Variants in ASCC1 observed in about 807,000 individuals in gnomAD.
ASCC1 encodes activating signal cointegrator 1 complex subunit 1, also known as ASC-1 complex subunit P50.
ASCC1 carries 35 observed loss-of-function variants against 46.6 expected under a neutral mutation model. That is an observed-to-expected ratio of 0.75 (90% CI 0.57 to 0.99). ASCC1 has a LOEUF of 0.99. Ranked by LOEUF, ASCC1 falls within the 50% of genes least tolerant of loss-of-function variation. The pLI is 0.00. For missense variants in ASCC1, 376 were observed against 428.7 expected (o/e 0.88, Z 1.09); for synonymous variants, 143 against 146.6 (o/e 0.98, Z 0.18).
At chr10:72,188,015 G>A (rs1320765615) in intron 5 of ASCC1, among the ~76,000 whole-genome samples, 1 of 151,640 alleles carries the variant, frequency 6.6e-6, no homozygotes, top group South Asian at 2.1e-4. Flanking sequence ...TCTCTTGTAT[G>A]TGCCCAATCT....
At chr10:72,112,906 A>C (rs1383034811) in intron 9 of ASCC1, among the ~76,000 whole-genome samples, 13 of 150,824 alleles carry the variant, frequency 8.6e-5, no homozygotes, top group African/African-American at 3.2e-4. Flanking sequence ...AAAAAACCCC[A>C]ACATACAATG....
intron 3 of ASCC1, chr10:72,204,513 ATCCCAAGAGAGAAG>A: frequency 6.5e-7 from 1 of 1,550,340 alleles, no homozygotes. Context: ...AGACTACCGA[ATCCCAAGAGAGAAG>A]TTTCAGAGTC....
intron 5 of ASCC1, among the ~76,000 whole-genome samples, chr10:72,192,603 C>T (rs779719430): frequency 1.3e-5 from 2 of 152,184 alleles, no homozygotes; most frequent in African/African-American, 4.8e-5. Context: ...CAGTGATTCT[C>T]GTGCCTCAGC....
At chr10:72,112,554 A>T (rs1843029041) in intron 9 of ASCC1, among the ~76,000 whole-genome samples, 1 of 152,128 alleles carries the variant, frequency 6.6e-6, no homozygotes, top group Admixed American at 6.5e-5. Flanking sequence ...AAAATGGTTA[A>T]AATAGCCAAT....
chr10:72,134,614 C>T (rs1215466467), intron 7 of ASCC1, among the ~76,000 whole-genome samples: 1 of 152,152 alleles, frequency 6.6e-6, no homozygotes, highest in Non-Finnish European at 1.5e-5. Flanking sequence ...GTATTATGTT[C>T]TTTGATATTG....
chr10:72,162,796 A>G (rs1429042128), intron 5 of ASCC1, among the ~76,000 whole-genome samples: 1 of 152,024 alleles, frequency 6.6e-6, no homozygotes, highest in Non-Finnish European at 1.5e-5. Flanking sequence ...TACAAAAATT[A>G]GCTGGGTGTG....
intron 5 of ASCC1, among the ~76,000 whole-genome samples, chr10:72,195,739 T>C (rs148041337): frequency 0.14 from 20,747 of 151,072 alleles, 4,052 homozygotes; most frequent in African/African-American, 0.43. Flanking sequence ...GAGGCTGAGA[T>C]AGGAGAATTG....
chr10:72,193,481 A>C (rs1014809158), intron 5 of ASCC1, among the ~76,000 whole-genome samples: 3 of 149,640 alleles, frequency 2.0e-5, no homozygotes, highest in Non-Finnish European at 4.4e-5. Context: ...CACACACACC[A>C]CACACACACA....
chr10:72,188,121 CTTT>C (rs1169395541), intron 5 of ASCC1, among the ~76,000 whole-genome samples: 5 of 124,428 alleles, frequency 4.0e-5, no homozygotes. Context: ...AATACTTCTT[CTTT>C]TTTTTTTTTT....
At chr10:72,201,519 T>A (rs924503244) in intron 4 of ASCC1, among the ~76,000 whole-genome samples, 1 of 151,590 alleles carries the variant, frequency 6.6e-6, no homozygotes, top group African/African-American at 2.4e-5. Context: ...ACCCCATCTC[T>A]ACAAAAAGTA....
At chr10:72,127,957 TAAAAA>T (rs1038350956) in intron 9 of ASCC1, 120 bp downstream of exon 9, 9 of 639,436 alleles carry the variant, frequency 1.4e-5, no homozygotes, top group Non-Finnish European at 2.1e-5. Context: ...TTTAGATAAT[TAAAAA>T]AAAAAAGTAT....
At chr10:72,214,331 A>G (rs1858701037) in intron 1 of ASCC1, among the ~76,000 whole-genome samples, 1 of 151,652 alleles carries the variant, frequency 6.6e-6, no homozygotes, top group South Asian at 2.1e-4. Flanking sequence ...GTAAAATGCA[A>G]ACTTCAGTGG....
chr10:72,104,939 G>A (rs1253609803), intron 9 of ASCC1, among the ~76,000 whole-genome samples: 3 of 152,136 alleles, frequency 2.0e-5, no homozygotes, highest in African/African-American at 7.2e-5. Flanking sequence ...AGGAGAGATG[G>A]CTTGACTTCC....
At chr10:72,203,328 C>T (rs1441788469) in intron 4 of ASCC1, 99 bp downstream of exon 4, 1 of 925,032 alleles carries the variant, frequency 1.1e-6, no homozygotes, top group Non-Finnish European at 1.8e-6. Context: ...TAGCTAGAAC[C>T]CCACAGAAAA....
At chr10:72,173,289 G>C (rs1005168961) in intron 5 of ASCC1, among the ~76,000 whole-genome samples, 1 of 151,710 alleles carries the variant, frequency 6.6e-6, no homozygotes, top group Non-Finnish European at 1.5e-5. Context: ...ACTTTCTCTT[G>C]CATAAATTTG....
At chr10:72,213,419 G>T in intron 1 of ASCC1, 88 bp from the exon 2 acceptor site, 1 of 731,444 alleles carries the variant, frequency 1.4e-6, no homozygotes. Context: ...GGTCTGAATT[G>T]GGCATCAGTT....
chr10:72,196,488 C>T (rs1589580882), intron 5 of ASCC1, among the ~76,000 whole-genome samples: 1 of 151,984 alleles, frequency 6.6e-6, no homozygotes, highest in South Asian at 2.1e-4. Context: ...CACCATGTTG[C>T]CCAGGCTGGT....
At chr10:72,102,276 A>T in intron 9 of ASCC1, 1 of 1,457,304 alleles carries the variant, frequency 6.9e-7, no homozygotes, top group South Asian at 1.2e-5. Context: ...AAAGGGAGCT[A>T]CTTCATGGGG....
intron 1 of ASCC1, among the ~76,000 whole-genome samples, chr10:72,214,039 AAAAAAG>A (rs1182517091): frequency 4.6e-5 from 7 of 150,784 alleles, no homozygotes; most frequent in African/African-American, 1.2e-4. Flanking sequence ...CTCCGTCTTA[AAAAAAG>A]AAAAAGAAAA....
Sources: allele counts gnomAD v4.1 joint callset (sites outside exome capture counted in the v4.1 genomes callset), GRCh38; gene constraint gnomAD v4.1.1; transcripts MANE v1.5; gene names NCBI Gene and HGNC (gene_info 2026-07-23, HGNC 2026-07-21).